Variants in OPHN1 observed in about 807,000 individuals in gnomAD.
The protein encoded by OPHN1 is oligophrenin 1.
In OPHN1, 11 loss-of-function variants were observed where a neutral mutation model predicts 60.7. The ratio of observed to expected loss-of-function variants is 0.18; its 90% CI spans 0.11 to 0.30. The LOEUF (loss-of-function observed/expected upper bound fraction) is 0.30. OPHN1 is among the 10% of genes least tolerant of loss of function. The pLI is 1.00. For missense variants in OPHN1, 449 were observed against 611.0 expected, an observed-to-expected ratio of 0.73 and a Z score of 2.80; for synonymous variants, 226 against 222.6, an observed-to-expected ratio of 1.02 and a Z score of -0.14.
intron 2 of OPHN1, among the ~76,000 whole-genome samples, chrX:68,373,604 C>A (rs945406373): frequency 9.0e-6 from 1 of 111,574 alleles, no homozygotes; most frequent in Admixed American, 9.6e-5. Flanking sequence ...CCACGTACTC[C>A]AACATCCTTG....
intron 15 of OPHN1, among the ~76,000 whole-genome samples, chrX:68,177,530 A>G (rs190474575): frequency 1.2e-5 from 1 of 81,843 alleles, no homozygotes; most frequent in Admixed American, 1.2e-4. Context: ...AGATTGCATA[A>G]TTTAATTAAA....
intron 21 of OPHN1, among the ~76,000 whole-genome samples, chrX:68,062,377 G>C (rs2076896442): frequency 8.9e-6 from 1 of 112,079 alleles, no homozygotes; most frequent in Non-Finnish European, 1.9e-5. Flanking sequence ...TAAATGAAGG[G>C]GTGTATTTAT....
At position 68,192,920 on chromosome X, in the gene OPHN1, A is replaced by G; in HGVS notation, c.1275T>C (p.Phe425=). The stretch of plus-strand genomic sequence containing the variant: ...GAATTATCAAAGTAAAATTGTTACC[A>G]AAAAAGGCATTCAGCAGCTTCTGAA... The part of the protein sequence containing the change: ...IQVQKLLNAF[F]DPKCPGDVDF... The change falls in exon 15 of 25, where the codon TTT becomes TTC. Residue 425 remains phenylalanine, a splice_region_variant and synonymous_variant. Coordinates refer to ENST00000355520, the MANE Select transcript of OPHN1 (RefSeq NM_002547.3). The G allele has an allele frequency of 8.4e-7, 1 of 1,196,625 alleles. No individual in the cohort carries two copies. The highest frequency in any genetic ancestry group is 1.1e-6 in the Non-Finnish European group (1 of 881,758).
intron 2 of OPHN1, among the ~76,000 whole-genome samples, chrX:68,332,126 C>T (rs1021270200): frequency 4.5e-5 from 5 of 111,934 alleles, no homozygotes; most frequent in Non-Finnish European, 7.5e-5. Context: ...GACATGTGTA[C>T]ACAGTGTCTA....
At chrX:68,230,926 A>G (rs1179343082) in intron 6 of OPHN1, among the ~76,000 whole-genome samples, 1 of 111,726 alleles carries the variant, frequency 9.0e-6, no homozygotes, top group Non-Finnish European at 1.9e-5. Context: ...AAAAAAGAAG[A>G]TGAAGATATC....
At chrX:68,270,024 C>G (rs1447210045) in intron 5 of OPHN1, among the ~76,000 whole-genome samples, 1 of 111,354 alleles carries the variant, frequency 9.0e-6, no homozygotes, top group East Asian at 2.8e-4. Context: ...AAATGCAAAT[C>G]AAAACCACAA....
At chrX:68,234,696 C>G (rs1394548244) in intron 5 of OPHN1, 108 bp from the exon 6 acceptor site, 1 of 618,333 alleles carries the variant, frequency 1.6e-6, no homozygotes, top group Non-Finnish European at 2.6e-6. Flanking sequence ...GTCAATCCCT[C>G]TAGCTCCTGG....
rs191166285 is a variant in OPHN1, at chrX:68,165,372, A to C, written c.1276+27547T>G. 8.5e-5 allele frequency among the ~76,000 whole-genome samples: 9 copies of C among 105,721 alleles called. No homozygotes were observed. In the East Asian group the frequency reaches 2.7e-3, roughly 32 times the overall value. The allele number at this position is 105,721 out of a possible 115,157, so 91.8% of individuals were successfully genotyped here. A position where few individuals can be genotyped will look rare whatever the true frequency, so the allele number is the denominator to read the frequency against. ...ATGTGTGACTCACTTGGACCCTAAG[A>C]GATGATGGTAGAGTTATTCGTTGCC... On this transcript the variant is annotated intron_variant, in intron 15 of 24. Coordinates refer to ENST00000355520, the MANE Select transcript of OPHN1 (RefSeq NM_002547.3).
At position 68,317,462 on chromosome X, in the gene OPHN1, AGAG is replaced by A. The variant is rs750754648; in HGVS notation, c.155-18369_155-18367del. Among the ~76,000 whole-genome samples, 472 of 95,143 alleles carry A rather than the reference AGAG, an allele frequency of 5.0e-3. 15 individuals carry two copies. The highest frequency in any genetic ancestry group is 0.047 in the Admixed American group (382 of 8,190). The allele number at this position is 95,143 out of a possible 115,157, so 82.6% of individuals were successfully genotyped here. On this transcript the variant is annotated intron_variant, in intron 2 of 24. Coordinates refer to ENST00000355520, the MANE Select transcript of OPHN1 (RefSeq NM_002547.3). ...AGAAAAGAAAAAGAGAAGAAGAAGA[AGAG>A]GAGGAGGAGGAGGAAGGGAGAGAGG...
At chrX:68,124,530 T>A (rs1602172654) in intron 15 of OPHN1, among the ~76,000 whole-genome samples, 1 of 111,672 alleles carries the variant, frequency 9.0e-6, no homozygotes, top group South Asian at 3.8e-4. Context: ...TTCGACTTAA[T>A]CTGCACTATG....
intron 15 of OPHN1, among the ~76,000 whole-genome samples, chrX:68,190,095 G>C (rs145972038): frequency 9.0e-6 from 1 of 111,517 alleles, no homozygotes; most frequent in East Asian, 2.8e-4. Context: ...CTAGTGGTAT[G>C]AGACTAGATC....
intron 15 of OPHN1, among the ~76,000 whole-genome samples, chrX:68,180,073 C>T (rs1362222227): frequency 9.0e-6 from 1 of 111,441 alleles, no homozygotes; most frequent in African/African-American, 3.3e-5. Flanking sequence ...TATAAATTTC[C>T]TTGTATTTGG....
In OPHN1 at chrX:68,059,548, G is replaced by A. The variant is rs146612851; in HGVS notation, c.2158+4306C>T. ...AGTAGAGAATAAAAACCAAACAGTA[G>A]ATTATTAAAGCATAAGTCCAAACAA... is the stretch of plus-strand genomic sequence containing the variant. On this transcript the variant is annotated intron_variant, in intron 21 of 24. Coordinates refer to ENST00000355520, the MANE Select transcript of OPHN1 (RefSeq NM_002547.3). Among the ~76,000 whole-genome samples, 32 of 112,163 alleles carry A rather than the reference G, an allele frequency of 2.9e-4. No individual in the cohort carries two copies. The East Asian group carries it at 9.0e-3, about 31-fold the overall frequency.
In OPHN1 at chrX:68,432,081, T is replaced by C. The variant is rs757991660; in HGVS notation, c.154+786A>G. On this transcript the variant is annotated intron_variant, in intron 2 of 24. Transcript: ENST00000355520. ...GCAGAAAAAAAACCTCCACACACAA[T>C]GGGGGAAGGAGAGAGCTTCCCACAG... is the stretch of plus-strand genomic sequence containing the variant. 7.1e-4 allele frequency among the ~76,000 whole-genome samples: 79 copies of C among 110,620 alleles called. 1 individual carries two copies. Among genetic ancestry groups the C allele is most frequent in the African/African-American group, 2.4e-3 (73 of 30,454 alleles).
At chrX:68,268,673 A>G (rs1475346711) in intron 5 of OPHN1, among the ~76,000 whole-genome samples, 1 of 111,520 alleles carries the variant, frequency 9.0e-6, no homozygotes, top group Non-Finnish European at 1.9e-5. Flanking sequence ...CCCTTTGAAA[A>G]CTGGCACAAG....
At chrX:68,127,481 C>T (rs185126125) in intron 15 of OPHN1, among the ~76,000 whole-genome samples, 3 of 111,307 alleles carry the variant, frequency 2.7e-5, no homozygotes, top group Non-Finnish European at 5.7e-5. Flanking sequence ...AGGTGGGGAG[C>T]GCTGATTTTA....
At chrX:68,062,188 C>T (rs1164639943) in intron 21 of OPHN1, among the ~76,000 whole-genome samples, 2 of 111,837 alleles carry the variant, frequency 1.8e-5, no homozygotes, top group East Asian at 2.8e-4. Context: ...CCCAACCTCC[C>T]GATTCCCATT....
chrX:68,191,060 G>T lies in OPHN1; in HGVS notation c.1276+1859C>A, dbSNP rs1338719818. Among the ~76,000 whole-genome samples, 4 of 111,901 alleles carry T rather than the reference G, an allele frequency of 3.6e-5. No individual in the cohort carries two copies. The Admixed American group carries it at 3.8e-4, about 11-fold the overall frequency. The stretch of plus-strand genomic sequence containing the variant: ...TGTGAGAGATTAGCTATGCATCACA[G>T]TAAGGACCAAAAAATATGTATTTTA... On this transcript the variant is annotated intron_variant, in intron 15 of 24. Coordinates refer to ENST00000355520, the MANE Select transcript of OPHN1 (RefSeq NM_002547.3).
chrX:68,213,711 A>C (rs1307742322), intron 7 of OPHN1, 151 bp downstream of exon 7: 1 of 455,223 alleles, frequency 2.2e-6, no homozygotes, highest in Non-Finnish European at 3.9e-6. Context: ...TATACTAAAG[A>C]ACAAGAAAAA....
Sources: gnomAD v4.1 joint callset for allele counts (sites outside exome capture counted in the v4.1 genomes callset) on GRCh38, gnomAD v4.1.1 for gene constraint, MANE v1.5 for transcripts, NCBI Gene and HGNC (gene_info 2026-07-23, HGNC 2026-07-21) for gene names.